LPP: variants seen among roughly 807,000 people sequenced by gnomAD.
The protein encoded by LPP is lipoma-preferred partner.
Under a neutral mutation model 60.4 loss-of-function variants are expected in LPP, and 38 were observed. The observed-to-expected ratio is 0.63, with a 90% CI of 0.49 to 0.83. The LOEUF is 0.83. LPP is among the 40% of genes least tolerant of loss of function. The pLI is 0.00. For synonymous variants in LPP, 328 were observed against 290.8 expected (o/e 1.13, Z -1.30); for missense variants, 902 against 783.6 (o/e 1.15, Z -1.80).
At chr3:188,839,105 G>A (rs2151705676) in intron 9 of LPP, among the ~76,000 whole-genome samples, 1 of 152,250 alleles carries the variant, frequency 6.6e-6, no homozygotes, top group East Asian at 1.9e-4. Context: ...ACCACCTGAT[G>A]AAAATCACCA....
At chr3:188,301,278 C>T (rs73061534) in intron 2 of LPP, among the ~76,000 whole-genome samples, 1,725 of 152,282 alleles carry the variant, frequency 0.011, 36 homozygotes, top group African/African-American at 0.04. Context: ...TTGATGAAAA[C>T]TTATGAATTT....
intron 1 of LPP, among the ~76,000 whole-genome samples, chr3:188,159,271 C>T (rs1314726872): frequency 1.3e-5 from 2 of 152,142 alleles, no homozygotes; most frequent in Admixed American, 6.5e-5. Flanking sequence ...TGGCTCAGGG[C>T]TCTGAGGGAA....
chr3:188,337,219 A>G (rs73192626), intron 2 of LPP, among the ~76,000 whole-genome samples: 1,587 of 152,178 alleles, frequency 0.01, 13 homozygotes, highest in Middle Eastern at 0.02. Context: ...ATAGCTATGC[A>G]CTCCCAGAGC....
At chr3:188,181,729 G>A (rs115878457) in intron 1 of LPP, among the ~76,000 whole-genome samples, 1,806 of 152,224 alleles carry the variant, frequency 0.012, 33 homozygotes, top group African/African-American at 0.042. Context: ...AAATTAATTG[G>A]TTACTTTTTA....
At chr3:188,847,600 A>G (rs1371410980) in intron 9 of LPP, among the ~76,000 whole-genome samples, 4 of 152,258 alleles carry the variant, frequency 2.6e-5, no homozygotes, top group Admixed American at 1.3e-4. Flanking sequence ...TGCTAAAATA[A>G]TATTGTTATG....
chr3:188,156,337 G>T (rs1171850579), intron 1 of LPP, among the ~76,000 whole-genome samples: 3 of 152,152 alleles, frequency 2.0e-5, no homozygotes, highest in Non-Finnish European at 2.9e-5. Context: ...ACATTCTGGT[G>T]AAGACAGTTC....
At chr3:188,597,760 T>C (rs563096625) in intron 6 of LPP, among the ~76,000 whole-genome samples, 3 of 152,246 alleles carry the variant, frequency 2.0e-5, no homozygotes, top group East Asian at 3.9e-4. Context: ...CTCTCTTGTA[T>C]GGAATTTGCC....
At chr3:188,576,560 C>A (rs1246681736) in intron 6 of LPP, among the ~76,000 whole-genome samples, 3 of 152,134 alleles carry the variant, frequency 2.0e-5, no homozygotes. Flanking sequence ...TATTTGCAGT[C>A]CAGTGCTCTT....
rs544063855 is a variant in LPP at position 188,873,667 on chromosome 3, G to A, written c.1711-684G>A. ...AAAGGCAGAAGTTATTTTCAGAGTGGCAGTCGGCCTGTGTGCATTGAGGCA... is the reference window on the plus strand; with the variant it reads ...AAAGGCAGAAGTTATTTTCAGAGTGACAGTCGGCCTGTGTGCATTGAGGCA... On this transcript the variant is annotated intron_variant, in intron 11 of 11. Transcript: ENST00000617246. 1.6e-4 allele frequency among the ~76,000 whole-genome samples: 24 copies of A among 152,152 alleles called. No individual in the cohort carries two copies. The South Asian group carries it at 4.8e-3, about 30-fold the overall frequency.
At chr3:188,215,397 A>C (rs1476667325) in intron 1 of LPP, among the ~76,000 whole-genome samples, 1 of 151,948 alleles carries the variant, frequency 6.6e-6, no homozygotes, top group African/African-American at 2.4e-5. Context: ...TTCATCTTGC[A>C]ATCTGAAACT....
At chr3:188,405,524 T>G (rs536709153) in intron 3 of LPP, among the ~76,000 whole-genome samples, 6 of 152,106 alleles carry the variant, frequency 3.9e-5, no homozygotes, top group Non-Finnish European at 8.8e-5. Context: ...CAACCCTACT[T>G]AGCACTCAAA....
intron 7 of LPP, among the ~76,000 whole-genome samples, chr3:188,700,175 T>C (rs1186743506): frequency 1.3e-5 from 2 of 152,238 alleles, no homozygotes; most frequent in Admixed American, 6.5e-5. Flanking sequence ...TTCATTATCA[T>C]GTAATCTTTT....
intron 6 of LPP, among the ~76,000 whole-genome samples, chr3:188,592,557 G>GTTTTTTTTTTTTTTTTTTTTTTTTT (rs1553936333): frequency 2.3e-5 from 2 of 85,752 alleles, no homozygotes; most frequent in African/African-American, 9.0e-5. Flanking sequence ...TTTTGTTTTT[G>GTTTTTTTTTTTTTTTTTTTTTTTTT]TTTTTTAAAT....
At chr3:188,695,638 G>C (rs1207793159) in intron 7 of LPP, among the ~76,000 whole-genome samples, 1 of 152,154 alleles carries the variant, frequency 6.6e-6, no homozygotes, top group Non-Finnish European at 1.5e-5. Flanking sequence ...GACGCTAAAG[G>C]GGGGAACAAA....
intron 7 of LPP, among the ~76,000 whole-genome samples, chr3:188,658,119 G>GTTT (rs1853720026): frequency 3.1e-4 from 1 of 3,268 alleles, no homozygotes; most frequent in Non-Finnish European, 1.2e-3. Context: ...TATTTCTGAA[G>GTTT]TTATTAGTTT....
intron 2 of LPP, among the ~76,000 whole-genome samples, chr3:188,260,528 G>T (rs923095309): frequency 6.6e-6 from 1 of 152,112 alleles, no homozygotes; most frequent in African/African-American, 2.4e-5. Context: ...GTCACTGATA[G>T]AAATTGTCAC....
intron 4 of LPP, among the ~76,000 whole-genome samples, chr3:188,468,959 C>T (rs183033418): frequency 2.0e-5 from 3 of 152,276 alleles, no homozygotes; most frequent in African/African-American, 7.2e-5. Flanking sequence ...GGTGGCTGAA[C>T]TTCTGCTCAG....
chr3:188,609,963 C>A lies in LPP; in HGVS notation c.1113+119C>A, dbSNP rs1843346031. On this transcript the variant is annotated intron_variant, in intron 7 of 11. Coordinates refer to ENST00000617246, the MANE Select transcript of LPP (RefSeq NM_001375462.1). This position sits in a 1 kb window ranked among gnomAD's most constrained non-coding sequence, Gnocchi z 6.9. The stretch of plus-strand genomic sequence containing the variant: ...GTTACTTTTATTTCACTGACAAATA[C>A]AATCCCAGGGAAGGATGAGTGAAGC... 1 of 968,550 alleles carries A rather than the reference C, an allele frequency of 1.0e-6. No homozygotes were observed. The highest frequency in any genetic ancestry group is 1.5e-6 in the Non-Finnish European group (1 of 661,682). The allele number at this position is 968,550 out of a possible 1,614,324, so 60.0% of individuals were successfully genotyped here.
At chr3:188,346,613 A>G (rs1313018577) in intron 3 of LPP, among the ~76,000 whole-genome samples, 1 of 152,162 alleles carries the variant, frequency 6.6e-6, no homozygotes, top group Non-Finnish European at 1.5e-5. Context: ...GCACACGTGC[A>G]TACACATGAT....
Sources: allele counts gnomAD v4.1 joint callset (sites outside exome capture counted in the v4.1 genomes callset), GRCh38; gene constraint gnomAD v4.1.1; non-coding constraint Gnocchi (gnomAD v3.1); transcripts MANE v1.5; gene names NCBI Gene and HGNC (gene_info 2026-07-23, HGNC 2026-07-21).